GLIS3: variants seen among roughly 807,000 people sequenced by gnomAD.
GLIS3 encodes zinc finger protein GLIS3.
In GLIS3, 53 loss-of-function variants were observed where a neutral mutation model predicts 78.6. The observed-to-expected ratio is 0.67, with a 90% CI of 0.54 to 0.85. The LOEUF is 0.85. Ranked by LOEUF, GLIS3 falls within the 40% of genes least tolerant of loss-of-function variation. The pLI is 0.00. For missense variants in GLIS3, 1,703 were observed against 1,231.1 expected (o/e 1.38, Z -5.74); for synonymous variants, 684 against 509.9 (o/e 1.34, Z -4.60).
intron 2 of GLIS3, among the ~76,000 whole-genome samples, chr9:4,235,772 T>C (rs1822675614): frequency 6.6e-6 from 1 of 152,226 alleles, no homozygotes; most frequent in African/African-American, 2.4e-5. Flanking sequence ...TTAACCACTT[T>C]GCTGTACTTA....
intron 2 of GLIS3, among the ~76,000 whole-genome samples, chr9:4,138,894 C>T (rs112834864): frequency 1.3e-5 from 2 of 152,126 alleles, no homozygotes; most frequent in South Asian, 4.2e-4. Flanking sequence ...CCAGGCACCC[C>T]AAAGAGCTAC....
Position 4,332,806 on chromosome 9 carries a change from AAT to A in GLIS3, n.264+14273_264+14274del, listed in dbSNP as rs1332501809. Among the ~76,000 whole-genome samples the A allele has an allele frequency of 2.6e-5, 4 of 152,328 alleles. No homozygotes were observed. In the South Asian group the frequency reaches 6.2e-4, roughly 24 times the overall value. On this transcript the variant is annotated intron_variant and non_coding_transcript_variant, in intron 2 of 4. Coordinates refer to the GLIS3 transcript ENST00000471664. Reference sequence around the variant, plus strand: ...TGTTCCTCTACACATCTATTCAGTAAATATGTCAAAACGTCTACTGGGTACTA... The same window carrying A: ...TGTTCCTCTACACATCTATTCAGTAAATGTCAAAACGTCTACTGGGTACTA...
At chr9:3,856,335 T>C in intron 8 of GLIS3, 151 bp from the exon 9 acceptor site, 1 of 716,956 alleles carries the variant, frequency 1.4e-6, no homozygotes, top group Non-Finnish European at 2.4e-6. Context: ...GATTTTTCTC[T>C]ACCCTCTCTC....
At chr9:3,862,944 G>A (rs1473017050) in intron 8 of GLIS3, among the ~76,000 whole-genome samples, 3 of 152,052 alleles carry the variant, frequency 2.0e-5, no homozygotes, top group Non-Finnish European at 2.9e-5. Context: ...GAATTGTGGG[G>A]TATCATCTGT....
chr9:3,875,767 G>A (rs1411479410), intron 8 of GLIS3: 3 of 152,184 alleles, frequency 2.0e-5, no homozygotes, highest in East Asian at 1.9e-4. Flanking sequence ...AGCTGGGAAG[G>A]CAAGGGATGG....
chr9:4,348,253 G>C (rs1312611783), exon 1 of GLIS3: 2 of 152,104 alleles, frequency 1.3e-5, no homozygotes, highest in Admixed American at 6.5e-5. Context: ...TCAGAAATAG[G>C]CCATCCATGC....
chr9:4,133,303 C>T (rs1430836676), intron 2 of GLIS3, among the ~76,000 whole-genome samples: 1 of 152,188 alleles, frequency 6.6e-6, no homozygotes, highest in African/African-American at 2.4e-5. Context: ...CATCTACACT[C>T]AAATGTAACT....
chr9:3,827,092 T>C lies in GLIS3; in HGVS notation c.*1180A>G, dbSNP rs1817763480. 1 of 152,188 alleles carries C rather than the reference T, an allele frequency of 6.6e-6. No individual in the cohort carries two copies. The highest frequency in any genetic ancestry group is 2.4e-5 in the African/African-American group (1 of 41,438). 9.4% of individuals were successfully genotyped at this position (152,188 alleles called of 1,614,324 possible). A position where few individuals can be genotyped will look rare whatever the true frequency, so the allele number is the denominator to read the frequency against. ...AACTGTCACCTCTACCTTCCCAAGA[T>C]GATCAGACAATGGCGGCTGGTGGGG... On this transcript the variant is annotated 3_prime_UTR_variant, in exon 11 of 11. Coordinates refer to ENST00000381971, the MANE Select transcript of GLIS3 (RefSeq NM_001042413.2).
chr9:4,407,397 G>C, the GLIS3 span, among the ~76,000 whole-genome samples: 1 of 152,272 alleles, frequency 6.6e-6, no homozygotes, highest in East Asian at 1.9e-4. Context: ...TGTAATCCCA[G>C]CACTTCGGGA....
intron 2 of GLIS3, among the ~76,000 whole-genome samples, chr9:4,258,548 A>T (rs1825203981): frequency 6.6e-6 from 1 of 152,222 alleles, no homozygotes; most frequent in African/African-American, 2.4e-5. Context: ...AGAAAAAGTT[A>T]CTTTAACAAA....
the GLIS3 span, among the ~76,000 whole-genome samples, chr9:4,475,309 C>G: frequency 2.0e-5 from 3 of 152,210 alleles, no homozygotes; most frequent in Non-Finnish European, 4.4e-5. Flanking sequence ...AGATGCTTCA[C>G]AGAAGAGGAG....
chr9:4,050,521 A>T (rs532506342), intron 4 of GLIS3, among the ~76,000 whole-genome samples: 1 of 152,148 alleles, frequency 6.6e-6, no homozygotes, highest in African/African-American at 2.4e-5. Flanking sequence ...GGGTGCAGCA[A>T]GCCAACATGG....
chr9:4,141,918 A>G (rs915318313), intron 2 of GLIS3, among the ~76,000 whole-genome samples: 1 of 152,170 alleles, frequency 6.6e-6, no homozygotes, highest in Non-Finnish European at 1.5e-5. Context: ...AACTTATAAG[A>G]GAACTAGAGT....
the GLIS3 span, among the ~76,000 whole-genome samples, chr9:4,449,980 C>T: frequency 6.6e-6 from 1 of 152,154 alleles, no homozygotes; most frequent in African/African-American, 2.4e-5. Flanking sequence ...TGGAACAAAG[C>T]TGGAGGGGGA....
At chr9:3,880,688 C>G (rs1251962342) in intron 7 of GLIS3, among the ~76,000 whole-genome samples, 2 of 152,128 alleles carry the variant, frequency 1.3e-5, no homozygotes, top group African/African-American at 4.8e-5. Flanking sequence ...TATTTTTATA[C>G]CAGTACCACT....
the GLIS3 span, among the ~76,000 whole-genome samples, chr9:4,418,524 C>G: frequency 3.3e-5 from 5 of 152,084 alleles, no homozygotes; most frequent in Non-Finnish European, 5.9e-5. Context: ...CATGGTGAAG[C>G]CCCGTGTCTA....
chr9:4,224,722 T>G (rs113047992), intron 2 of GLIS3, among the ~76,000 whole-genome samples: 2,549 of 62,316 alleles, frequency 0.041, 62 homozygotes, highest in African/African-American at 0.11. Context: ...TCTTTTTCTG[T>G]TTTTTTTTTT....
chr9:3,862,076 GA>G (rs1164531898), intron 8 of GLIS3, among the ~76,000 whole-genome samples: 1 of 152,144 alleles, frequency 6.6e-6, no homozygotes, highest in Non-Finnish European at 1.5e-5. Flanking sequence ...GGAGTATCCT[GA>G]GTCCACAAAT....
Position 3,990,879 on chromosome 9 carries a change from C to T in GLIS3, c.1711-53690G>A, listed in dbSNP as rs575815010. On this transcript the variant is annotated intron_variant, in intron 4 of 10. Transcript: ENST00000381971. ...TCTCTTCCAAAATATACAGGTTCAT[C>T]CCTGACATCAAGCATGCCCTCAATT... 3.9e-5 allele frequency among the ~76,000 whole-genome samples: 6 copies of T among 152,218 alleles called. No individual in the cohort carries two copies. The South Asian group carries it at 1.2e-3, about 32-fold the overall frequency.
Sources: allele counts gnomAD v4.1 joint callset (sites outside exome capture counted in the v4.1 genomes callset), GRCh38; gene constraint gnomAD v4.1.1; transcripts MANE v1.5; gene names NCBI Gene and HGNC (gene_info 2026-07-23, HGNC 2026-07-21).